BTAF1: variants seen among roughly 807,000 people sequenced by gnomAD.
BTAF1 encodes the protein B-TFIID TATA-box binding protein associated factor 1, also known as TATA-binding protein-associated factor 172.
Under a neutral mutation model 227.1 loss-of-function variants are expected in BTAF1, and 38 were observed. The ratio of observed to expected loss-of-function variants is 0.17; its 90% CI spans 0.13 to 0.22. BTAF1 has a LOEUF of 0.22. Ranked by LOEUF, BTAF1 falls within the 10% of genes least tolerant of loss-of-function variation. BTAF1 has a pLI of 1.00. For synonymous variants in BTAF1, 742 were observed against 751.9 expected (o/e 0.99, Z 0.21); for missense variants, 1,598 against 2,204.0 (o/e 0.73, Z 5.51).
At position 92,024,877 on chromosome 10, in the gene BTAF1, A is replaced by G. The variant is rs1851390772; in HGVS notation, c.4985A>G (p.His1662Arg). 5 of 1,614,112 alleles carry G rather than the reference A, an allele frequency of 3.1e-6. No homozygotes were observed. The highest frequency in any genetic ancestry group is 4.2e-6 in the Non-Finnish European group (5 of 1,180,026). ...QLKSMLDIVE[H>R]DLLKPHLPSV... ...AAAAGCATGCTTGATATAGTAGAGC[A>G]TGATCTCCTCAAACCTCACTTGCCC... is the stretch of plus-strand genomic sequence containing the variant. The change falls in exon 35 of 38, where the codon CAT becomes CGT. Residue 1662 changes from histidine (H) to arginine (R), a missense_variant. His to Arg is a conservative substitution (Grantham distance 29, BLOSUM62 0). Transcript: ENST00000265990.
chr10:92,008,324 G>C, intron 26 of BTAF1, 49 bp downstream of exon 26: 1 of 1,469,270 alleles, frequency 6.8e-7, no homozygotes, highest in East Asian at 2.5e-5. Flanking sequence ...ACCTTGAAGC[G>C]TTGTGGGTTT....
chr10:91,965,026 TA>T (rs796775530), intron 13 of BTAF1, among the ~76,000 whole-genome samples: 1 of 152,044 alleles, frequency 6.6e-6, no homozygotes, highest in Non-Finnish European at 1.5e-5. Context: ...CATAGATGTA[TA>T]AAAAAAGTAG....
At chr10:91,966,878 T>TA (rs1846957088) in intron 14 of BTAF1, 121 bp downstream of exon 14, 1 of 851,978 alleles carries the variant, frequency 1.2e-6, no homozygotes, top group East Asian at 2.7e-5. Context: ...GGCCTAGTGG[T>TA]ATGGTAACCA....
At position 91,992,222 on chromosome 10, in the gene BTAF1, G is replaced by A; in HGVS notation, c.2958G>A (p.Arg986=). The change falls in exon 21 of 38, where the codon AGG becomes AGA. Residue 986 remains arginine (R), a synonymous_variant. Transcript: ENST00000265990. The part of the protein sequence containing the change: ...HQKAAFAITS[R]RGPTPKAVKA... ...AAGCTGCCTTTGCTATCACAAGTAG[G>A]CGAGGTCCTACCCCCAAAGCAGTAA... 1 of 1,613,870 alleles carries A rather than the reference G, an allele frequency of 6.2e-7. No homozygotes were observed. Among genetic ancestry groups the A allele is most frequent in the African/African-American group, 1.3e-5 (1 of 74,942 alleles).
chr10:91,929,816 A>G (rs1331184974), intron 1 of BTAF1, among the ~76,000 whole-genome samples: 1 of 137,574 alleles, frequency 7.3e-6, no homozygotes, highest in Non-Finnish European at 1.7e-5. Flanking sequence ...TGGCCTCCCA[A>G]ATGCTGGGAT....
chr10:92,005,465 T>G (rs1420099515), intron 25 of BTAF1, among the ~76,000 whole-genome samples: 4 of 152,218 alleles, frequency 2.6e-5, no homozygotes, highest in African/African-American at 9.6e-5. Flanking sequence ...TTTCCATATT[T>G]ATGTCCATTT....
intron 24 of BTAF1, 73 bp downstream of exon 24, chr10:91,996,643 A>T (rs1849164044): frequency 1.4e-5 from 20 of 1,449,966 alleles, no homozygotes; most frequent in Admixed American, 1.8e-5. Context: ...AATGAAATTG[A>T]TGTGTTCTAA....
intron 30 of BTAF1, among the ~76,000 whole-genome samples, chr10:92,011,699 C>T (rs1057483042): frequency 6.6e-6 from 1 of 152,104 alleles, no homozygotes; most frequent in African/African-American, 2.4e-5. Context: ...CCACACTGGC[C>T]ATTCTCCTTC....
Position 91,959,887 on chromosome 10 carries a change from A to G in BTAF1, c.1086+7A>G, listed in dbSNP as rs1846382432. 1 of 1,604,548 alleles carries G rather than the reference A, an allele frequency of 6.2e-7. No individual in the cohort carries two copies. Among genetic ancestry groups the G allele is most frequent in the South Asian group, 1.1e-5 (1 of 88,462 alleles). On this transcript the variant is annotated splice_region_variant and intron_variant, in intron 10 of 37. Coordinates refer to ENST00000265990, the MANE Select transcript of BTAF1 (RefSeq NM_003972.3). ...AGACTTTGTTTCTGATGAAGTAAGT[A>G]TCATTTAAGGGAGGCTTTGCCCAAT...
intron 9 of BTAF1, 73 bp downstream of exon 9, chr10:91,959,227 G>A (rs1469811039): frequency 3.7e-6 from 6 of 1,605,680 alleles, no homozygotes; most frequent in Non-Finnish European, 4.3e-6. Context: ...GGGAAGTAAC[G>A]AGTATGTGCC....
rs1236579664 is a variant in BTAF1, at chr10:92,008,219, T to A, written c.3757T>A (p.Leu1253Met). 1.3e-6 allele frequency: 2 copies of A among 1,598,170 alleles called. No individual in the cohort carries two copies. Among genetic ancestry groups the A allele is most frequent in the Admixed American group, 3.7e-5 (2 of 54,270 alleles). ...GGAGCAATTGTTAGATGGGAAAAAA[T>A]TGGAAAATTATAAAATTCCAGTACC... The part of the protein sequence containing the change: ...FLEQLLDGKK[L>M]ENYKIPVPIN... The change falls in exon 26 of 38, where the codon TTG (leucine) becomes ATG (methionine). Residue 1253 changes from leucine to methionine, a missense_variant. Leu to Met is a conservative substitution (Grantham distance 15). This residue lies in a region of BTAF1 where 184 missense variants were observed against 341.1 expected (regional missense o/e 0.54). Transcript: ENST00000265990.
chr10:91,959,269 A>G, intron 9 of BTAF1, 115 bp downstream of exon 9: 3 of 1,531,826 alleles, frequency 2.0e-6, no homozygotes, highest in Non-Finnish European at 2.6e-6. Context: ...AATAAGAGGA[A>G]GAGATATGAA....
Position 91,960,254 on chromosome 10 carries a change from C to G in BTAF1, c.1263+100C>G, listed in dbSNP as rs183136090. 5 of 1,250,286 alleles carry G rather than the reference C, an allele frequency of 4.0e-6. No homozygotes were observed. The South Asian group carries it at 5.0e-5, about 13-fold the overall frequency. The allele number at this position is 1,250,286 out of a possible 1,614,324, so 77.4% of individuals were successfully genotyped here. A position where few individuals can be genotyped will look rare whatever the true frequency, so the allele number is the denominator to read the frequency against. On this transcript the variant is annotated intron_variant, in intron 11 of 37. Coordinates refer to ENST00000265990, the MANE Select transcript of BTAF1 (RefSeq NM_003972.3). ...AAATGGCCGTAGATTCTTACTGTTA[C>G]AGAGAAGCCAGTCTTCCAAGATTTG...
chr10:91,952,957 A>G (rs141245128), intron 5 of BTAF1, among the ~76,000 whole-genome samples: 147 of 152,288 alleles, frequency 9.7e-4, no homozygotes, highest in Admixed American at 2.7e-3. Context: ...TGGGTGCGGG[A>G]TAGGCAACAC....
At chr10:91,929,726 A>T (rs1001127310) in intron 1 of BTAF1, among the ~76,000 whole-genome samples, 4 of 151,616 alleles carry the variant, frequency 2.6e-5, no homozygotes, top group Non-Finnish European at 4.4e-5. Flanking sequence ...ATTTTTAATA[A>T]TTTTTTTTTA....
At chr10:91,954,392 G>A (rs2133869966) in intron 6 of BTAF1, among the ~76,000 whole-genome samples, 1 of 152,274 alleles carries the variant, frequency 6.6e-6, no homozygotes, top group South Asian at 2.1e-4. Context: ...ATGTAGTCCT[G>A]TTGAAGAAAA....
chr10:91,950,254 T>C (rs1037799509), intron 4 of BTAF1, among the ~76,000 whole-genome samples: 2 of 152,008 alleles, frequency 1.3e-5, no homozygotes, highest in African/African-American at 4.8e-5. Context: ...AAGGGGAAAC[T>C]TTTGTTTTTT....
At chr10:92,000,157 G>A (rs1014014673) in intron 25 of BTAF1, among the ~76,000 whole-genome samples, 2 of 152,156 alleles carry the variant, frequency 1.3e-5, no homozygotes, top group African/African-American at 4.8e-5. Flanking sequence ...CTAGACCACA[G>A]TATCAAAATA....
chr10:91,986,128 T>G (rs190463080), intron 19 of BTAF1, among the ~76,000 whole-genome samples: 24 of 149,924 alleles, frequency 1.6e-4, no homozygotes, highest in Admixed American at 2.6e-4. Flanking sequence ...GAATTAATGT[T>G]TGTGTATAGT....
Sources: allele counts gnomAD v4.1 joint callset (sites outside exome capture counted in the v4.1 genomes callset), GRCh38; gene constraint gnomAD v4.1.1; regional missense constraint gnomAD v4.1.1; transcripts MANE v1.5; gene names NCBI Gene and HGNC (gene_info 2026-07-23, HGNC 2026-07-21).